Variants in ABHD16A observed in about 807,000 individuals in gnomAD.
The protein encoded by ABHD16A is phosphatidylserine lipase ABHD16A.
In ABHD16A, 47 loss-of-function variants were observed where a neutral mutation model predicts 89.8. The observed-to-expected ratio is 0.52, with a 90% CI of 0.41 to 0.67. The LOEUF is 0.67. Ranked by LOEUF, ABHD16A falls within the 30% of genes least tolerant of loss-of-function variation. ABHD16A has a pLI of 0.00. For synonymous variants in ABHD16A, 251 were observed against 280.4 expected, an observed-to-expected ratio of 0.90 and a Z score of 1.05; for missense variants, 580 against 734.6, an observed-to-expected ratio of 0.79 and a Z score of 2.43.
rs1364230352 is a variant in ABHD16A at position 31,690,211 on chromosome 6, C to G, written c.908-84G>C. The stretch of plus-strand genomic sequence containing the variant: ...CTGGGGGAAGGAAGAGCAGAAGTAC[C>G]CCCCAGCTTAGATGCAAATAACTCC... On this transcript the variant is annotated intron_variant, in intron 10 of 19. Transcript: ENST00000395952. The surrounding 1 kb of genome is among the most constrained non-coding windows in gnomAD (Gnocchi z 4.1). 9 of 1,337,448 alleles carry G rather than the reference C, an allele frequency of 6.7e-6. No homozygotes were observed. Among genetic ancestry groups the G allele is most frequent in the Non-Finnish European group, 9.2e-6 (9 of 978,550 alleles). 82.8% of individuals were successfully genotyped at this position (1,337,448 alleles called of 1,614,324 possible).
At chr6:31,702,686 C>G (rs751531778) in intron 1 of ABHD16A, 1 of 1,544,762 alleles carries the variant, frequency 6.5e-7, no homozygotes, top group South Asian at 1.2e-5. Context: ...AGGGGAGGAC[C>G]GACGGATACA....
At chr6:31,692,999 T>G (rs750460705) in intron 7 of ABHD16A, 28 bp downstream of exon 7, 2 of 1,614,182 alleles carry the variant, frequency 1.2e-6, no homozygotes, top group African/African-American at 2.7e-5. Context: ...TCCACCCCAG[T>G]GGGCCTCTCC....
chr6:31,693,039 C>T lies in ABHD16A; in HGVS notation c.614G>A (p.Cys205Tyr). ...TLLNRVKKLP[C>Y]QITSYLVAHT... ...TGCTGTTTCCCACCTGGTGATCTGA[C>T]AAGGCAGCTTCTTAACCCGGTTGAG... Residue 205 changes from cysteine to tyrosine, a missense_variant, in exon 7 of 20, where the codon TGT (cysteine) becomes TAT (tyrosine). Physicochemically the swap from Cys to Tyr is radical, Grantham distance 194. This residue lies in a region of ABHD16A where 415 missense variants were observed against 568.8 expected (regional missense o/e 0.73). Transcript: ENST00000395952. The surrounding 1 kb of genome is among the most constrained non-coding windows in gnomAD (Gnocchi z 5.0). 2 of 1,614,178 alleles carry T rather than the reference C, an allele frequency of 1.2e-6. No individual in the cohort carries two copies. The highest frequency in any genetic ancestry group is 2.2e-5 in the South Asian group (2 of 91,090).
At chr6:31,699,893 A>C (rs1804766616) in intron 4 of ABHD16A, among the ~76,000 whole-genome samples, 1 of 151,730 alleles carries the variant, frequency 6.6e-6, no homozygotes, top group South Asian at 2.1e-4. Context: ...ACAGGTGCTC[A>C]CCACCATACC....
Position 31,691,572 on chromosome 6 carries a change from C to G in ABHD16A, c.843+7G>C. 6.2e-7 allele frequency: 1 copy of G among 1,612,866 alleles called. No homozygotes were observed. The highest frequency in any genetic ancestry group is 8.5e-7 in the Non-Finnish European group (1 of 1,179,940). ...ACCCCACCTCTGGGCTCTCTGCTCC[C>G]TCTTACCAGCTTCTGTCCCTGGGGC... On this transcript the variant is annotated splice_region_variant and intron_variant, in intron 9 of 19. Transcript: ENST00000395952.
chr6:31,687,352 C>A lies in ABHD16A; in HGVS notation c.1594-57G>T, dbSNP rs1280582535. The A allele has an allele frequency of 6.3e-7, 1 of 1,594,586 alleles. No homozygotes were observed. Among genetic ancestry groups the A allele is most frequent in the African/African-American group, 1.3e-5 (1 of 74,418 alleles). Reference sequence around the variant, plus strand: ...AGAGCACTGTTGGGAGGGGCAGCCACTGGACTCCCTCCCCACCCTCCACTT... The same window carrying A: ...AGAGCACTGTTGGGAGGGGCAGCCAATGGACTCCCTCCCCACCCTCCACTT... On this transcript the variant is annotated intron_variant, in intron 19 of 19. Transcript: ENST00000395952. The surrounding 1 kb of genome is among the most constrained non-coding windows in gnomAD (Gnocchi z 6.3).
In ABHD16A at chr6:31,688,381, C is replaced by T. The variant is rs577033874; in HGVS notation, c.1251-76G>A. The T allele has an allele frequency of 7.0e-7, 1 of 1,436,404 alleles. No individual in the cohort carries two copies. The highest frequency in any genetic ancestry group is 1.4e-5 in the African/African-American group (1 of 71,170). The allele number at this position is 1,436,404 out of a possible 1,614,324, so 89.0% of individuals were successfully genotyped here. ...CAACTGGCCCACCCCTATCCCTGCA[C>T]TGGTAGCATTCTTACCCTCCCCTTG... On this transcript the variant is annotated intron_variant, in intron 14 of 19. Transcript: ENST00000395952. The surrounding 1 kb of genome is among the most constrained non-coding windows in gnomAD (Gnocchi z 4.9).
Position 31,690,035 on chromosome 6 carries a change from G to C in ABHD16A, c.957+43C>G. 6.5e-7 allele frequency: 1 copy of C among 1,545,546 alleles called. No homozygotes were observed. Among genetic ancestry groups the C allele is most frequent in the Non-Finnish European group, 8.7e-7 (1 of 1,145,572 alleles). On this transcript the variant is annotated intron_variant, in intron 11 of 19. Transcript: ENST00000395952. This position sits in a 1 kb window ranked among gnomAD's most constrained non-coding sequence, Gnocchi z 4.1. ...TCCAATGGCTGACCAGAGGGAAACA[G>C]ACATAATTCAGGAAAAGGAAGGGAT...
chr6:31,687,220 G>A lies in ABHD16A; in HGVS notation c.1669C>T (p.His557Tyr). 1 of 1,612,734 alleles carries A rather than the reference G, an allele frequency of 6.2e-7. No individual in the cohort carries two copies. The highest frequency in any genetic ancestry group is 8.5e-7 in the Non-Finnish European group (1 of 1,179,832). ...LPAQNFQMPW[H>Y]L The stretch of plus-strand genomic sequence containing the variant: ...TGAGTCCCAGTTGGTCCCTAGAGGT[G>A]CCAGGGCATCTGGAAGTTCTGGGCT... Residue 557 changes from histidine (H) to tyrosine (Y), a missense_variant, in exon 20 of 20, where the codon CAC (histidine) becomes TAC (tyrosine). Coordinates refer to ENST00000395952, the MANE Select transcript of ABHD16A (RefSeq NM_021160.3). The surrounding 1 kb of genome is among the most constrained non-coding windows in gnomAD (Gnocchi z 6.3).
rs765234877 is a variant in ABHD16A at position 31,703,212 on chromosome 6, T to G, written c.70A>C (p.Arg24=). 2 of 1,445,396 alleles carry G rather than the reference T, an allele frequency of 1.4e-6. No individual in the cohort carries two copies. The highest frequency in any genetic ancestry group is 5.3e-5 in the East Asian group (2 of 37,396). 89.5% of individuals were successfully genotyped at this position (1,445,396 alleles called of 1,614,324 possible). A position where few individuals can be genotyped will look rare whatever the true frequency, so the allele number is the denominator to read the frequency against. ...GTCTCAGGGACGCTGGCCGGGGCCC[T>G]TTCAGAGTCCCTCTCCCGGTAGATT... is the stretch of plus-strand genomic sequence containing the variant. ...YKIYRERDSE[R]APASVPETPT... Residue 24 remains arginine (R), a synonymous_variant, in exon 1 of 20, where the codon AGG becomes CGG. Coordinates refer to ENST00000395952, the MANE Select transcript of ABHD16A (RefSeq NM_021160.3).
At position 31,688,510 on chromosome 6, in the gene ABHD16A, G is replaced by T; in HGVS notation, c.1251-205C>A. Reference sequence around the variant, plus strand: ...TGCTGGGAGACCCCTGCCGTGCCAGGCCTTAACCCTTTGGTTGCCAGATCC... The same window carrying T: ...TGCTGGGAGACCCCTGCCGTGCCAGTCCTTAACCCTTTGGTTGCCAGATCC... On this transcript the variant is annotated intron_variant, in intron 14 of 19. Coordinates refer to ENST00000395952, the MANE Select transcript of ABHD16A (RefSeq NM_021160.3). This position sits in a 1 kb window ranked among gnomAD's most constrained non-coding sequence, Gnocchi z 4.9. 1 of 779,684 alleles carries T rather than the reference G, an allele frequency of 1.3e-6. No homozygotes were observed. The highest frequency in any genetic ancestry group is 2.0e-6 in the Non-Finnish European group (1 of 490,146). 48.3% of individuals were successfully genotyped at this position (779,684 alleles called of 1,614,324 possible).
intron 4 of ABHD16A, 43 bp downstream of exon 4, chr6:31,700,899 A>T: frequency 6.6e-7 from 1 of 1,520,888 alleles, no homozygotes; most frequent in Non-Finnish European, 9.1e-7. Context: ...TTAACCAGTG[A>T]CAGTGACAGA....
intron 5 of ABHD16A, 148 bp downstream of exon 5, chr6:31,696,800 G>A: frequency 1.4e-6 from 1 of 725,820 alleles, no homozygotes; most frequent in Non-Finnish European, 2.4e-6. Context: ...GGTGAGAAGG[G>A]ATACAGCAAT....
At chr6:31,700,546 G>A (rs1438463119) in intron 4 of ABHD16A, among the ~76,000 whole-genome samples, 7 of 152,154 alleles carry the variant, frequency 4.6e-5, no homozygotes, top group African/African-American at 1.7e-4. Flanking sequence ...TACATGTGCA[G>A]GAGTTTTCCT....
rs748729899 is a variant in ABHD16A at position 31,693,401 on chromosome 6, C to T, written c.461G>A (p.Arg154Gln). Residue 154 changes from arginine to glutamine, a missense_variant, in exon 6 of 20, where the codon CGG becomes CAG. Physicochemically the swap from Arg to Gln is conservative, Grantham distance 43. Around this residue, in one of 2 missense-constraint regions of ABHD16A, gnomAD observed 415 missense variants for 568.8 expected, o/e 0.73. Coordinates refer to ENST00000395952, the MANE Select transcript of ABHD16A (RefSeq NM_021160.3). This position sits in a 1 kb window ranked among gnomAD's most constrained non-coding sequence, Gnocchi z 5.0. ...CCAGTGGAAGTCGACTGGCCAGCTC[C>T]GGAAGTCAAAGTTGTAGTTGGCAAG... is the stretch of plus-strand genomic sequence containing the variant. ...RQLANYNFDF[R>Q]SWPVDFHWEE... 30 of 1,612,884 alleles carry T rather than the reference C, an allele frequency of 1.9e-5. No homozygotes were observed. The Admixed American group carries it at 3.7e-4, about 20-fold the overall frequency.
Position 31,687,072 on chromosome 6 carries a change from G to T in ABHD16A, c.*140C>A. The T allele has an allele frequency of 1.3e-6, 1 of 771,238 alleles. No homozygotes were observed. Among genetic ancestry groups the T allele is most frequent in the Non-Finnish European group, 2.1e-6 (1 of 471,116 alleles). The allele number at this position is 771,238 out of a possible 1,614,324, so 47.8% of individuals were successfully genotyped here. ...ATGAATGAGGGGAAACGTGCAAGAG[G>T]AACAGTGGTGAGAAGGGGGATGGTC... On this transcript the variant is annotated 3_prime_UTR_variant, in exon 20 of 20. Transcript: ENST00000395952. This position sits in a 1 kb window ranked among gnomAD's most constrained non-coding sequence, Gnocchi z 6.3.
chr6:31,688,831 G>A lies in ABHD16A; in HGVS notation c.1187-45C>T. The A allele has an allele frequency of 6.3e-7, 1 of 1,587,282 alleles. No individual in the cohort carries two copies. Among genetic ancestry groups the A allele is most frequent in the Non-Finnish European group, 8.6e-7 (1 of 1,159,592 alleles). ...AAGGGATGGCAGAGACAAAGCCCTT[G>A]CCCAACATAAAGGTCCTCACTATTC... On this transcript the variant is annotated intron_variant, in intron 13 of 19. Transcript: ENST00000395952. The surrounding 1 kb of genome is among the most constrained non-coding windows in gnomAD (Gnocchi z 4.9).
chr6:31,699,495 A>G (rs564106497), intron 4 of ABHD16A, among the ~76,000 whole-genome samples: 10 of 149,140 alleles, frequency 6.7e-5, no homozygotes, highest in Non-Finnish European at 1.3e-4. Context: ...TGAATTTTAT[A>G]TAAATGAAAA....
At chr6:31,701,186 C>T in intron 3 of ABHD16A, 88 bp downstream of exon 3, 3 of 1,428,740 alleles carry the variant, frequency 2.1e-6, no homozygotes, top group Non-Finnish European at 3.0e-6. Context: ...AAGCCATCTT[C>T]ACAGGTCCCC....
Sources: gnomAD v4.1 joint callset for allele counts (sites outside exome capture counted in the v4.1 genomes callset) on GRCh38, gnomAD v4.1.1 for gene constraint, gnomAD v4.1.1 regional missense constraint, Gnocchi (gnomAD v3.1) non-coding constraint, MANE v1.5 for transcripts, NCBI Gene and HGNC (gene_info 2026-07-23, HGNC 2026-07-21) for gene names.